The following FGGY variants were observed in gnomAD, a reference collection of about 807,000 sequenced individuals.
FGGY encodes FGGY carbohydrate kinase domain-containing protein.
A neutral mutation model predicts 71.3 loss-of-function variants in FGGY; 72 were observed. The observed-to-expected ratio is 1.01, with a 90% CI of 0.84 to 1.23. FGGY has a LOEUF of 1.23. FGGY is among the 50% of genes most tolerant of loss of function. The pLI is 0.00. For missense variants in FGGY, 668 were observed against 682.3 expected (o/e 0.98, Z 0.23); for synonymous variants, 251 against 250.3 (o/e 1.00, Z -0.02).
intron 1 of FGGY, among the ~76,000 whole-genome samples, chr1:59,301,803 TC>T (rs1468329671): frequency 7.5e-6 from 1 of 134,004 alleles, no homozygotes. Context: ...AACCTCCACC[TC>T]CCAGGTTCAA....
rs148799057 is a variant in FGGY, at chr1:59,597,059, T to C, written c.904-10744T>C. On this transcript the variant is annotated intron_variant, in intron 8 of 15. Transcript: ENST00000303721. ...AGCAGGGGAGCTACCCAGGTGTCTATGGAAAGTTTTGAATTCTTTTTGCCT... is the reference window on the plus strand; with the variant it reads ...AGCAGGGGAGCTACCCAGGTGTCTACGGAAAGTTTTGAATTCTTTTTGCCT... Among the ~76,000 whole-genome samples the C allele has an allele frequency of 1.2e-3, 186 of 152,338 alleles. No individual in the cohort carries two copies. The Middle Eastern group carries it at 0.014, about 11-fold the overall frequency.
intron 7 of FGGY, among the ~76,000 whole-genome samples, chr1:59,529,059 A>G (rs1315913970): frequency 6.6e-6 from 1 of 152,216 alleles, no homozygotes; most frequent in Non-Finnish European, 1.5e-5. Flanking sequence ...AGTCATCTTC[A>G]TCTCTGTGTC....
chr1:59,489,482 T>C (rs186673578), intron 6 of FGGY, among the ~76,000 whole-genome samples: 30 of 152,306 alleles, frequency 2.0e-4, no homozygotes, highest in African/African-American at 6.5e-4. Context: ...AACTTTCTGT[T>C]CTTGGCGTAT....
intron 14 of FGGY, among the ~76,000 whole-genome samples, chr1:59,676,049 G>A (rs982820551): frequency 3.3e-5 from 5 of 152,114 alleles, no homozygotes; most frequent in Admixed American, 6.5e-5. Flanking sequence ...ACGAGACCCT[G>A]ACATTGCTGG....
chr1:59,471,252 T>A (rs900278281), intron 6 of FGGY, among the ~76,000 whole-genome samples: 15 of 152,214 alleles, frequency 9.9e-5, no homozygotes, highest in African/African-American at 3.4e-4. Context: ...TGCTTGTTCT[T>A]GCTCTCTCCT....
intron 14 of FGGY, among the ~76,000 whole-genome samples, chr1:59,712,160 T>C (rs2097799387): frequency 6.6e-6 from 1 of 152,116 alleles, no homozygotes; most frequent in Non-Finnish European, 1.5e-5. Flanking sequence ...CCCATGCAAG[T>C]CCAAAATCCA....
chr1:59,335,887 T>C (rs2049390489), intron 2 of FGGY, among the ~76,000 whole-genome samples: 1 of 152,198 alleles, frequency 6.6e-6, no homozygotes, highest in South Asian at 2.1e-4. Context: ...TTTTAAAATA[T>C]ATTTTATATG....
At chr1:59,334,097 G>C (rs2048999315) in intron 2 of FGGY, among the ~76,000 whole-genome samples, 1 of 152,130 alleles carries the variant, frequency 6.6e-6, no homozygotes, top group Non-Finnish European at 1.5e-5. Context: ...TAACCTCTCT[G>C]TGCCTGCTGT....
At chr1:59,694,267 C>T (rs975328721) in intron 14 of FGGY, among the ~76,000 whole-genome samples, 9 of 150,224 alleles carry the variant, frequency 6.0e-5, no homozygotes, top group South Asian at 2.1e-4. Flanking sequence ...CCAGCCTGGG[C>T]GACAAAGCAA....
intron 7 of FGGY, among the ~76,000 whole-genome samples, chr1:59,545,213 A>T (rs764295508): frequency 2.0e-5 from 3 of 152,214 alleles, no homozygotes; most frequent in Admixed American, 6.5e-5. Flanking sequence ...CCTGGCTTAT[A>T]ATTGGGGATC....
intron 6 of FGGY, among the ~76,000 whole-genome samples, chr1:59,498,804 G>T (rs74331600): frequency 1.3e-5 from 2 of 152,090 alleles, no homozygotes; most frequent in African/African-American, 2.4e-5. Context: ...CGATTTCCAC[G>T]TCAACATGAG....
intron 14 of FGGY, among the ~76,000 whole-genome samples, chr1:59,736,968 C>T (rs775439018): frequency 6.6e-6 from 1 of 152,230 alleles, no homozygotes; most frequent in Admixed American, 6.5e-5. Flanking sequence ...CAGGGTACCC[C>T]TGCTGTGTGC....
At chr1:59,583,037 G>A (rs1169414092) in intron 8 of FGGY, among the ~76,000 whole-genome samples, 1 of 117,024 alleles carries the variant, frequency 8.5e-6, no homozygotes, top group African/African-American at 3.4e-5. Flanking sequence ...AGCTTCACCA[G>A]GAACATCAGT....
chr1:59,413,154 C>T (rs769950698), intron 5 of FGGY, among the ~76,000 whole-genome samples: 3 of 152,198 alleles, frequency 2.0e-5, no homozygotes, highest in East Asian at 1.9e-4. Flanking sequence ...CCCCCAGGGA[C>T]ATTTTAAGTC....
At chr1:59,744,115 C>T (rs1221268047) in intron 14 of FGGY, among the ~76,000 whole-genome samples, 7 of 152,190 alleles carry the variant, frequency 4.6e-5, no homozygotes, top group Non-Finnish European at 1.0e-4. Flanking sequence ...GCACTAATTT[C>T]AGTGGTTTGT....
chr1:59,465,919 T>G (rs1046563299), intron 6 of FGGY, among the ~76,000 whole-genome samples: 8 of 152,154 alleles, frequency 5.3e-5, no homozygotes, highest in South Asian at 2.1e-4. Context: ...TCATGAAAAT[T>G]GCCATACTGC....
intron 14 of FGGY, among the ~76,000 whole-genome samples, chr1:59,730,447 G>C (rs1400641690): frequency 6.6e-6 from 1 of 152,094 alleles, no homozygotes; most frequent in Non-Finnish European, 1.5e-5. Context: ...ATGAAAGCAG[G>C]GGCCATGTCT....
chr1:59,412,466 T>C (rs2063744825), intron 5 of FGGY, among the ~76,000 whole-genome samples: 1 of 152,218 alleles, frequency 6.6e-6, no homozygotes, highest in African/African-American at 2.4e-5. Context: ...ATTATTTGTT[T>C]TATTCCCTTT....
At chr1:59,455,386 C>T (rs1486482982) in intron 5 of FGGY, among the ~76,000 whole-genome samples, 1 of 152,222 alleles carries the variant, frequency 6.6e-6, no homozygotes, top group Non-Finnish European at 1.5e-5. Flanking sequence ...GGGTTCAGTA[C>T]ACAGGGAAGT....
Sources: gnomAD v4.1 joint callset for allele counts (sites outside exome capture counted in the v4.1 genomes callset) on GRCh38, gnomAD v4.1.1 for gene constraint, MANE v1.5 for transcripts, NCBI Gene and HGNC (gene_info 2026-07-23, HGNC 2026-07-21) for gene names.